SV2B: variants seen among roughly 807,000 people sequenced by gnomAD.
SV2B encodes the protein synaptic vesicle glycoprotein 2B, also known as solute carrier family 22 member B2.
In SV2B, 41 loss-of-function variants were observed where a neutral mutation model predicts 73.9. That is an observed-to-expected ratio of 0.56 (90% CI 0.43 to 0.72). The LOEUF is 0.72. Ranked by LOEUF, SV2B falls within the 30% of genes least tolerant of loss-of-function variation. The pLI, the probability that SV2B is intolerant of heterozygous loss-of-function variation, is 0.00. For missense variants in SV2B, 764 were observed against 857.8 expected, an observed-to-expected ratio of 0.89 and a Z score of 1.37; for synonymous variants, 314 against 314.2, an observed-to-expected ratio of 1.00 and a Z score of 0.01.
rs530547725 is a variant in SV2B at position 91,240,800 on chromosome 15, CTA to C, written c.452-11017_452-11016del. ...TGACACTGTACATGCCTCCGTTCCC[CTA>C]TGTTTCCCCCTTCTCCTCTGAGGAT... On this transcript the variant is annotated intron_variant, in intron 2 of 12. Coordinates refer to ENST00000394232, the MANE Select transcript of SV2B (RefSeq NM_001323032.3). This position sits in a 1 kb window ranked among gnomAD's most constrained non-coding sequence, Gnocchi z 4.6. Among the ~76,000 whole-genome samples the C allele has an allele frequency of 1.6e-4, 24 of 152,296 alleles. No homozygotes were observed. In the South Asian group the frequency reaches 4.2e-3, roughly 26 times the overall value.
At chr15:91,230,962 G>T (rs2046551490) in intron 2 of SV2B, among the ~76,000 whole-genome samples, 1 of 152,134 alleles carries the variant, frequency 6.6e-6, no homozygotes, top group Non-Finnish European at 1.5e-5. Flanking sequence ...TCTGGAGTTA[G>T]GTGATTTGTT....
intron 12 of SV2B, among the ~76,000 whole-genome samples, chr15:91,291,892 G>A (rs140380140): frequency 6.6e-6 from 1 of 152,320 alleles, no homozygotes; most frequent in East Asian, 1.9e-4. Context: ...ACATGGCCAT[G>A]CTCAGCAGCA....
chr15:91,125,268 G>T (rs1421140906), intron 1 of SV2B, among the ~76,000 whole-genome samples: 1 of 152,202 alleles, frequency 6.6e-6, no homozygotes, highest in Non-Finnish European at 1.5e-5. Flanking sequence ...TTCAGCACAT[G>T]AATTTTGAGG....
chr15:91,111,084 C>G (rs566912658), intron 1 of SV2B, among the ~76,000 whole-genome samples: 2 of 152,110 alleles, frequency 1.3e-5, no homozygotes, highest in Non-Finnish European at 2.9e-5. Context: ...GGCAGAAAAG[C>G]TGTGCTGGGC....
At chr15:91,180,270 G>T (rs1207335779) in intron 1 of SV2B, among the ~76,000 whole-genome samples, 1 of 152,198 alleles carries the variant, frequency 6.6e-6, no homozygotes, top group Non-Finnish European at 1.5e-5. Context: ...TCAGCTGTTA[G>T]TCTGATGGGC....
chr15:91,181,632 TG>T (rs1372268266), intron 1 of SV2B, among the ~76,000 whole-genome samples: 1 of 152,120 alleles, frequency 6.6e-6, no homozygotes, highest in Non-Finnish European at 1.5e-5. Flanking sequence ...CAAACGTTTT[TG>T]TTTTCAGCTT....
chr15:91,129,968 A>C lies in SV2B; in HGVS notation c.-392+29605A>C, dbSNP rs2042592927. Among the ~76,000 whole-genome samples the C allele has an allele frequency of 6.6e-6, 1 of 152,170 alleles. No homozygotes were observed. Among genetic ancestry groups the C allele is most frequent in the African/African-American group, 2.4e-5 (1 of 41,438 alleles). On this transcript the variant is annotated intron_variant, in intron 1 of 12. Transcript: ENST00000394232. The surrounding 1 kb of genome is among the most constrained non-coding windows in gnomAD (Gnocchi z 5.1). Reference sequence around the variant, plus strand: ...GGCAAAGGCTCAGCAAAGGGAGGTGATATTAACAACCATTCCAAGGAGATG... The same window carrying C: ...GGCAAAGGCTCAGCAAAGGGAGGTGCTATTAACAACCATTCCAAGGAGATG...
At chr15:91,228,173 T>C (rs1238433946) in intron 2 of SV2B, among the ~76,000 whole-genome samples, 2 of 152,118 alleles carry the variant, frequency 1.3e-5, no homozygotes, top group Admixed American at 1.3e-4. Context: ...TGTGTTTAAC[T>C]AAAGGGCCAT....
At chr15:91,195,418 C>G (rs1391349247) in intron 1 of SV2B, among the ~76,000 whole-genome samples, 1 of 152,178 alleles carries the variant, frequency 6.6e-6, no homozygotes, top group Non-Finnish European at 1.5e-5. Context: ...CCTCAGCCTC[C>G]CAAAGTGCTG....
chr15:91,225,932 G>A lies in SV2B; in HGVS notation c.-332G>A, dbSNP rs111953380. The A allele has an allele frequency of 2.7e-5, 9 of 333,718 alleles. No homozygotes were observed. The highest frequency in any genetic ancestry group is 1.1e-4 in the African/African-American group (5 of 45,184). The allele number at this position is 333,718 out of a possible 1,614,324, so 20.7% of individuals were successfully genotyped here. ...GCACGCAGTCTGCCAAGTCCTGCTC[G>A]CTCCCTGTCAAGAAAAACAGCTGGA... On this transcript the variant is annotated 5_prime_UTR_variant, in exon 2 of 13. Transcript: ENST00000394232.
intron 1 of SV2B, among the ~76,000 whole-genome samples, chr15:91,173,857 C>T (rs1320169806): frequency 6.6e-6 from 1 of 152,182 alleles, no homozygotes; most frequent in African/African-American, 2.4e-5. Flanking sequence ...CATCCTCTAA[C>T]GTGCAAGTCT....
intron 1 of SV2B, among the ~76,000 whole-genome samples, chr15:91,175,586 T>C (rs143705213): frequency 1.2e-3 from 184 of 152,234 alleles, no homozygotes; most frequent in Middle Eastern, 3.4e-3. Context: ...AGTGAAATAA[T>C]TTGGTTCCAT....
chr15:91,260,881 A>G (rs564287185), intron 6 of SV2B, among the ~76,000 whole-genome samples: 69 of 152,224 alleles, frequency 4.5e-4, no homozygotes, highest in Non-Finnish European at 8.2e-4. Context: ...AGACTTATTC[A>G]CTACCATGAG....
At chr15:91,255,500 A>T (rs1300093480) in intron 4 of SV2B, among the ~76,000 whole-genome samples, 1 of 152,158 alleles carries the variant, frequency 6.6e-6, no homozygotes, top group Non-Finnish European at 1.5e-5. Flanking sequence ...GGTATAAAAG[A>T]CTACAAATTG....
At chr15:91,162,979 G>A (rs933532298) in intron 1 of SV2B, among the ~76,000 whole-genome samples, 2 of 150,416 alleles carry the variant, frequency 1.3e-5, no homozygotes, top group Non-Finnish European at 2.9e-5. Context: ...TGTTCTCATT[G>A]TTCAATTCCC....
rs1291211858 is a variant in SV2B at position 91,105,790 on chromosome 15, T to G, written c.-392+5427T>G. On this transcript the variant is annotated intron_variant, in intron 1 of 12. Coordinates refer to ENST00000394232, the MANE Select transcript of SV2B (RefSeq NM_001323032.3). This position sits in a 1 kb window ranked among gnomAD's most constrained non-coding sequence, Gnocchi z 5.5. ...GATAGTACTTAAAATGGTGAGAAGTTGTAATCCCAGCATTTTGGGAGGCCA... is the reference window on the plus strand; with the variant it reads ...GATAGTACTTAAAATGGTGAGAAGTGGTAATCCCAGCATTTTGGGAGGCCA... Among the ~76,000 whole-genome samples, 4 of 152,152 alleles carry G rather than the reference T, an allele frequency of 2.6e-5. No homozygotes were observed. Among genetic ancestry groups the G allele is most frequent in the African/African-American group, 9.7e-5 (4 of 41,426 alleles).
chr15:91,193,673 T>C (rs964324010), intron 1 of SV2B, among the ~76,000 whole-genome samples: 6 of 152,236 alleles, frequency 3.9e-5, no homozygotes, highest in Non-Finnish European at 7.3e-5. Context: ...AGTTGTCTCA[T>C]ATTCTCATTC....
chr15:91,131,654 AAAAAAAAAC>A (rs1235049481), intron 1 of SV2B, among the ~76,000 whole-genome samples: 2 of 151,746 alleles, frequency 1.3e-5, no homozygotes, highest in East Asian at 1.9e-4. Context: ...AAAATTTGAA[AAAAAAAAAC>A]AAAAAAAACA....
rs543286665 is a variant in SV2B at position 91,268,219 on chromosome 15, A to G, written c.1209-222A>G. ...ATCTATTGGTGTTTGTATCAGGAAA[A>G]CATTTCTTTTAAATCAAATGCCTTT... On this transcript the variant is annotated intron_variant, in intron 8 of 12. Transcript: ENST00000394232. This position sits in a 1 kb window ranked among gnomAD's most constrained non-coding sequence, Gnocchi z 4.4. Among the ~76,000 whole-genome samples, 1 of 152,208 alleles carries G rather than the reference A, an allele frequency of 6.6e-6. No homozygotes were observed. The highest frequency in any genetic ancestry group is 2.4e-5 in the African/African-American group (1 of 41,456).
Sources: gnomAD v4.1 joint callset for allele counts (sites outside exome capture counted in the v4.1 genomes callset) on GRCh38, gnomAD v4.1.1 for gene constraint, Gnocchi (gnomAD v3.1) non-coding constraint, MANE v1.5 for transcripts, NCBI Gene and HGNC (gene_info 2026-07-23, HGNC 2026-07-21) for gene names.